Variants in PLCG2 observed in about 807,000 individuals in gnomAD.
The protein encoded by PLCG2 is 1-phosphatidylinositol 4,5-bisphosphate phosphodiesterase gamma-2.
PLCG2 carries 69 observed loss-of-function variants against 175.6 expected under a neutral mutation model. That is an observed-to-expected ratio of 0.39 (90% CI 0.32 to 0.48). The LOEUF (loss-of-function observed/expected upper bound fraction) is 0.48, where lower values mean the gene tolerates loss of function less well. Ranked by LOEUF, PLCG2 falls within the 20% of genes least tolerant of loss-of-function variation. The pLI is 0.91. For synonymous variants in PLCG2, 827 were observed against 624.0 expected, an observed-to-expected ratio of 1.33 and a Z score of -4.85; for missense variants, 1,798 against 1,650.9, an observed-to-expected ratio of 1.09 and a Z score of -1.54.
chr16:81,958,181 T>C lies in PLCG2; in HGVS notation c.*183T>C. The C allele has an allele frequency of 1.7e-6, 1 of 601,998 alleles. No homozygotes were observed. The highest frequency in any genetic ancestry group is 3.0e-6 in the Non-Finnish European group (1 of 329,272). 37.3% of individuals were successfully genotyped at this position (601,998 alleles called of 1,614,324 possible). On this transcript the variant is annotated 3_prime_UTR_variant, in exon 33 of 33. Coordinates refer to ENST00000564138, the MANE Select transcript of PLCG2 (RefSeq NM_002661.5). ...TTGGGGTAATTTCCTATTATTTTCA[T>C]CTTGGACAACTTTCTTAACTTATAT...
chr16:81,950,312 G>A (rs1353964639), intron 31 of PLCG2, among the ~76,000 whole-genome samples: 2 of 152,160 alleles, frequency 1.3e-5, no homozygotes, highest in Non-Finnish European at 2.9e-5. Context: ...TTTACGATCA[G>A]AAGTACTACA....
At position 81,877,690 on chromosome 16, in the gene PLCG2, G is replaced by A. The variant is rs138078413; in HGVS notation, c.649-3220G>A. Among the ~76,000 whole-genome samples, 1,394 of 152,312 alleles carry A rather than the reference G, an allele frequency of 9.2e-3. 12 individuals are homozygous for A. Among genetic ancestry groups the A allele is most frequent in the Middle Eastern group, 0.044 (13 of 294 alleles). Reference sequence around the variant, plus strand: ...CAGTCCTACAAGTGTTCCTCGGTGTGTAGATGGCATTGCTCTTTGGTGTGC... The same window carrying A: ...CAGTCCTACAAGTGTTCCTCGGTGTATAGATGGCATTGCTCTTTGGTGTGC... On this transcript the variant is annotated intron_variant, in intron 7 of 32. Transcript: ENST00000564138.
chr16:81,758,206 G>T (rs1909968864), intron 2 of PLCG2, among the ~76,000 whole-genome samples: 1 of 152,128 alleles, frequency 6.6e-6, no homozygotes, highest in Non-Finnish European at 1.5e-5. Flanking sequence ...TCAAAGTCCT[G>T]GGCTCAAGCG....
At chr16:81,854,636 TC>T in intron 3 of PLCG2, 49 bp downstream of exon 3, 1 of 1,566,828 alleles carries the variant, frequency 6.4e-7, no homozygotes. Context: ...CTTAGTGTCT[TC>T]CTGAAGAAGT....
Position 81,907,700 on chromosome 16 carries a change from T to C in PLCG2, c.1483T>C (p.Tyr495His), listed in dbSNP as rs780384058. ...DSIDQKWTRHYCAIADAKLSF... is the reference protein window; with the variant it reads ...DSIDQKWTRHHCAIADAKLSF... ...CACTTTCTAGAAATGGACTCGGCACTACTGCGCCATTGCCGATGCCAAGCT... is the reference window on the plus strand; with the variant it reads ...CACTTTCTAGAAATGGACTCGGCACCACTGCGCCATTGCCGATGCCAAGCT... The change falls in exon 16 of 33, where the codon TAC becomes CAC. Residue 495 changes from tyrosine to histidine, a missense_variant. Coordinates refer to ENST00000564138, the MANE Select transcript of PLCG2 (RefSeq NM_002661.5). 6.2e-7 allele frequency: 1 copy of C among 1,613,562 alleles called. No homozygotes were observed. Among genetic ancestry groups the C allele is most frequent in the South Asian group, 1.1e-5 (1 of 91,078 alleles).
At chr16:81,843,836 C>T (rs1199409831) in intron 2 of PLCG2, among the ~76,000 whole-genome samples, 1 of 152,236 alleles carries the variant, frequency 6.6e-6, no homozygotes, top group East Asian at 1.9e-4. Flanking sequence ...ATAGAATGGG[C>T]AGGATGCCGG....
chr16:81,758,090 C>G (rs1057490206), intron 2 of PLCG2, among the ~76,000 whole-genome samples: 1 of 152,186 alleles, frequency 6.6e-6, no homozygotes, highest in Non-Finnish European at 1.5e-5. Context: ...ATCCTCCCAC[C>G]TCAGCCTCCT....
intron 2 of PLCG2, among the ~76,000 whole-genome samples, chr16:81,769,076 T>A (rs1910215879): frequency 6.6e-6 from 1 of 152,174 alleles, no homozygotes; most frequent in African/African-American, 2.4e-5. Flanking sequence ...ATGAATGAAT[T>A]TCTTGACTGC....
intron 31 of PLCG2, among the ~76,000 whole-genome samples, chr16:81,947,470 T>A (rs1911196333): frequency 6.6e-6 from 1 of 152,190 alleles, no homozygotes; most frequent in Admixed American, 6.5e-5. Flanking sequence ...CTGAATTGCA[T>A]TCGGTAGACC....
At chr16:81,899,835 T>TAAAACA (rs1194412889) in intron 13 of PLCG2, among the ~76,000 whole-genome samples, 1 of 152,176 alleles carries the variant, frequency 6.6e-6, no homozygotes, top group African/African-American at 2.4e-5. Flanking sequence ...CCAAATCAGG[T>TAAAACA]GTCTTTAAAC....
Position 81,836,178 on chromosome 16 carries a change from A to G in PLCG2, c.194-18266A>G, listed in dbSNP as rs541673260. Among the ~76,000 whole-genome samples the G allele has an allele frequency of 3.9e-5, 6 of 152,206 alleles. No individual in the cohort carries two copies. In the East Asian group the frequency reaches 7.7e-4, roughly 20 times the overall value. ...CAACTAGTGTTTTCATACCCTAGAG[A>G]CTATCCAAATGACACAGCTGACCCA... On this transcript the variant is annotated intron_variant, in intron 2 of 32. Coordinates refer to ENST00000564138, the MANE Select transcript of PLCG2 (RefSeq NM_002661.5).
intron 2 of PLCG2, among the ~76,000 whole-genome samples, chr16:81,846,642 A>T (rs554531352): frequency 5.9e-5 from 9 of 152,354 alleles, no homozygotes; most frequent in African/African-American, 2.2e-4. Context: ...AAAGATCATG[A>T]GTAGATAGTC....
rs536371224 is a variant in PLCG2, at chr16:81,941,736, C to T, written c.3481+1677C>T. Among the ~76,000 whole-genome samples, 227 of 150,272 alleles carry T rather than the reference C, an allele frequency of 1.5e-3. 2 individuals carry two copies. The highest frequency in any genetic ancestry group is 4.6e-3 in the African/African-American group (185 of 40,592). On this transcript the variant is annotated intron_variant, in intron 30 of 32. Coordinates refer to ENST00000564138, the MANE Select transcript of PLCG2 (RefSeq NM_002661.5). Reference sequence around the variant, plus strand: ...TTTTTGAGATGGAGTCTTGCTCTGTCGCTCAGGCTGGAGTGCAGTGGGTGA... The same window carrying T: ...TTTTTGAGATGGAGTCTTGCTCTGTTGCTCAGGCTGGAGTGCAGTGGGTGA...
intron 25 of PLCG2, among the ~76,000 whole-genome samples, chr16:81,934,098 T>A (rs1910612229): frequency 6.6e-6 from 1 of 151,950 alleles, no homozygotes; most frequent in Admixed American, 6.5e-5. Context: ...CAGTGTGGCT[T>A]TAGGGGAGGG....
intron 11 of PLCG2, among the ~76,000 whole-genome samples, chr16:81,891,907 G>C (rs1908655857): frequency 6.6e-6 from 1 of 152,192 alleles, no homozygotes; most frequent in African/African-American, 2.4e-5. Context: ...GCATCTCACA[G>C]TAGCCACAGC....
intron 2 of PLCG2, among the ~76,000 whole-genome samples, chr16:81,773,571 G>C (rs1436133261): frequency 1.3e-5 from 2 of 152,160 alleles, no homozygotes; most frequent in Non-Finnish European, 2.9e-5. Context: ...TCAACTGGCT[G>C]TCTTGATTTT....
At chr16:81,819,739 C>G (rs150563831) in intron 2 of PLCG2, among the ~76,000 whole-genome samples, 25 of 152,250 alleles carry the variant, frequency 1.6e-4, no homozygotes, top group East Asian at 9.6e-4. Flanking sequence ...TACCCACCAC[C>G]ATGCCTGGCT....
At chr16:81,798,958 C>T (rs557647194) in intron 2 of PLCG2, 1 of 152,572 alleles carries the variant, frequency 6.6e-6, no homozygotes, top group South Asian at 2.1e-4. Flanking sequence ...CCAGCCTCCA[C>T]CAGTGGGAAA....
intron 18 of PLCG2, among the ~76,000 whole-genome samples, chr16:81,912,153 G>T (rs1449236472): frequency 6.6e-6 from 1 of 151,572 alleles, no homozygotes; most frequent in Admixed American, 6.6e-5. Context: ...GGCTGGTCTT[G>T]AACTCCTGGC....
Sources: gnomAD v4.1 joint callset for allele counts (sites outside exome capture counted in the v4.1 genomes callset) on GRCh38, gnomAD v4.1.1 for gene constraint, MANE v1.5 for transcripts, NCBI Gene and HGNC (gene_info 2026-07-23, HGNC 2026-07-21) for gene names.